Variants in TAF8 observed in about 807,000 individuals in gnomAD.
The protein encoded by TAF8 is transcription initiation factor TFIID subunit 8.
Under a neutral mutation model 36.5 loss-of-function variants are expected in TAF8, and 47 were observed. The ratio of observed to expected loss-of-function variants is 1.29; its 90% CI spans 1.02 to 1.64. The LOEUF is 1.64. Among genes scored for constraint, TAF8 ranks in the 40% most tolerant of loss-of-function variants. The pLI is 0.00. For synonymous variants in TAF8, 175 were observed against 159.5 expected, an observed-to-expected ratio of 1.10 and a Z score of -0.73; for missense variants, 420 against 407.6, an observed-to-expected ratio of 1.03 and a Z score of -0.26.
At chr6:42,069,684 T>C (rs889670995) in intron 7 of TAF8, among the ~76,000 whole-genome samples, 1 of 152,074 alleles carries the variant, frequency 6.6e-6, no homozygotes. Context: ...AAGAATTGGA[T>C]ATATAATTGG....
At position 42,069,608 on chromosome 6, in the gene TAF8, C is replaced by T. The variant is rs76909075; in HGVS notation, c.780+1001C>T. Among the ~76,000 whole-genome samples, 1,170 of 152,172 alleles carry T rather than the reference C, an allele frequency of 7.7e-3. 4 individuals are homozygous for T. The highest frequency in any genetic ancestry group is 9.7e-3 in the Admixed American group (148 of 15,256). ...GTGGGGGAAGTCAGGAGTTGATGTT[C>T]GTGTCTTAAACATAGATGTGTTAAG... On this transcript the variant is annotated intron_variant, in intron 7 of 8. Transcript: ENST00000372977.
intron 5 of TAF8, among the ~76,000 whole-genome samples, chr6:42,066,037 A>G (rs566394530): frequency 6.6e-6 from 1 of 152,186 alleles, no homozygotes; most frequent in East Asian, 1.9e-4. Flanking sequence ...AGTAGCTGGG[A>G]TTACTGGTGC....
intron 4 of TAF8, 102 bp from the exon 5 acceptor site, chr6:42,057,287 G>T (rs747178605): frequency 6.6e-7 from 1 of 1,521,492 alleles, no homozygotes; most frequent in Non-Finnish European, 9.0e-7. Flanking sequence ...AGAAAATTGA[G>T]GTCTGGCATT....
chr6:42,056,469 C>A, intron 4 of TAF8: 1 of 169,104 alleles, frequency 5.9e-6, no homozygotes, highest in Non-Finnish European at 1.3e-5. Flanking sequence ...CATGCAAAAC[C>A]TAAAGTATTT....
intron 6 of TAF8, 22 bp from the exon 7 acceptor site, chr6:42,068,443 T>C (rs954182866): frequency 6.2e-7 from 1 of 1,613,610 alleles, no homozygotes; most frequent in African/African-American, 1.3e-5. Context: ...AGTGGACTCA[T>C]GCCTCTCTTC....
At chr6:42,057,781 A>AG in intron 5 of TAF8, 1 of 408,070 alleles carries the variant, frequency 2.5e-6, no homozygotes, top group East Asian at 3.7e-5. Flanking sequence ...ATAAAGAAAA[A>AG]AAAAAGAATT....
rs140246109 is a variant in TAF8 at position 42,078,619 on chromosome 6, G to T, written c.*1074G>T. On this transcript the variant is annotated 3_prime_UTR_variant, in exon 9 of 9. Coordinates refer to ENST00000372977, the MANE Select transcript of TAF8 (RefSeq NM_138572.3). ...AGAACGACATGTCGGGGCTGCACCTGTCCTCCCGTCGGCATTTGACGAAAG... is the reference window on the plus strand; with the variant it reads ...AGAACGACATGTCGGGGCTGCACCTTTCCTCCCGTCGGCATTTGACGAAAG... 5.1e-6 allele frequency: 5 copies of T among 985,326 alleles called. No homozygotes were observed. In the East Asian group the frequency reaches 5.7e-4, roughly 112 times the overall value. 61.0% of individuals were successfully genotyped at this position (985,326 alleles called of 1,614,324 possible).
chr6:42,064,502 G>T (rs866229088), intron 5 of TAF8, among the ~76,000 whole-genome samples: 1 of 151,846 alleles, frequency 6.6e-6, no homozygotes, highest in Admixed American at 6.6e-5. Flanking sequence ...TAATCTATCC[G>T]CCTCGGCCTC....
chr6:42,074,877 C>G (rs1352313038), intron 7 of TAF8, among the ~76,000 whole-genome samples: 1 of 151,300 alleles, frequency 6.6e-6, no homozygotes, highest in East Asian at 1.9e-4. Flanking sequence ...CTTCCCCACC[C>G]CTAACCATCT....
chr6:42,054,144 T>C (rs1335854572), intron 2 of TAF8, among the ~76,000 whole-genome samples: 2 of 152,194 alleles, frequency 1.3e-5, no homozygotes, highest in African/African-American at 4.8e-5. Flanking sequence ...AGAGTATTCA[T>C]GAAACCTCCT....
rs1765799732 is a variant in TAF8, at chr6:42,077,622, G to A, written c.*77G>A. On this transcript the variant is annotated 3_prime_UTR_variant, in exon 9 of 9. Coordinates refer to ENST00000372977, the MANE Select transcript of TAF8 (RefSeq NM_138572.3). ...GAGTTAAAGCCACTCAAGGGAAGAA[G>A]AGGGTGACCTCCTCATGGCCAAGCC... is the stretch of plus-strand genomic sequence containing the variant. The A allele has an allele frequency of 5.7e-6, 9 of 1,585,844 alleles. No individual in the cohort carries two copies. Among genetic ancestry groups the A allele is most frequent in the Non-Finnish European group, 6.9e-6 (8 of 1,165,704 alleles).
At chr6:42,051,538 T>C (rs1764789491) in intron 2 of TAF8, 25 bp downstream of exon 2, 4 of 1,609,130 alleles carry the variant, frequency 2.5e-6, no homozygotes, top group Non-Finnish European at 3.4e-6. Context: ...ACACTTGGCC[T>C]TGGAGTCAAC....
At chr6:42,073,757 G>A (rs548294269) in intron 7 of TAF8, among the ~76,000 whole-genome samples, 1 of 152,162 alleles carries the variant, frequency 6.6e-6, no homozygotes, top group Non-Finnish European at 1.5e-5. Context: ...GGGAGTTGTG[G>A]GAGGGCGTGG....
chr6:42,072,856 A>G (rs953234580), intron 7 of TAF8, among the ~76,000 whole-genome samples: 91 of 151,844 alleles, frequency 6.0e-4, no homozygotes, highest in Admixed American at 1.2e-3. Context: ...CCCAGCAGCT[A>G]GGACTACAGG....
intron 7 of TAF8, among the ~76,000 whole-genome samples, chr6:42,071,111 G>A (rs1765551389): frequency 6.6e-6 from 1 of 152,040 alleles, no homozygotes; most frequent in South Asian, 2.1e-4. Flanking sequence ...AGGCTAATAG[G>A]GTTATATAGT....
At chr6:42,069,009 A>G (rs1284040519) in intron 7 of TAF8, among the ~76,000 whole-genome samples, 1 of 152,120 alleles carries the variant, frequency 6.6e-6, no homozygotes, top group Non-Finnish European at 1.5e-5. Context: ...CAAGGCATGG[A>G]CATGTCTGGG....
chr6:42,077,467 T>C, intron 8 of TAF8, 66 bp from the exon 9 acceptor site: 1 of 1,599,012 alleles, frequency 6.3e-7, no homozygotes, highest in East Asian at 2.2e-5. Context: ...ACTGGAGCAG[T>C]TTTCCCCTAG....
At position 42,082,045 on chromosome 6, in the gene TAF8, A is replaced by G. The variant is rs561572984; in HGVS notation, c.*4500A>G. 2 of 152,354 alleles carry G rather than the reference A, an allele frequency of 1.3e-5. No homozygotes were observed. Among genetic ancestry groups the G allele is most frequent in the South Asian group, 2.1e-4 (1 of 4,828 alleles). The allele number at this position is 152,354 out of a possible 1,614,324, so 9.4% of individuals were successfully genotyped here. A position where few individuals can be genotyped will look rare whatever the true frequency, so the allele number is the denominator to read the frequency against. The stretch of plus-strand genomic sequence containing the variant: ...CCCTTGCATTCAGTTTCAGTGTACA[A>G]TGTAGATGGTATATTAGTACAATGC... On this transcript the variant is annotated 3_prime_UTR_variant, in exon 9 of 9. Coordinates refer to ENST00000372977, the MANE Select transcript of TAF8 (RefSeq NM_138572.3).
rs1765359339 is a variant in TAF8, at chr6:42,066,342, G to A, written c.520G>A (p.Val174Ile). The stretch of plus-strand genomic sequence containing the variant: ...CCGTGAGCCCGTGTCAGACTACCAG[G>A]TCCTGCGGGAGAAGGCTGCATCCCA... ...TYREPVSDYQ[V>I]LREKAASQRR... is the part of the protein sequence containing the mutation. Residue 174 changes from valine to isoleucine, a missense_variant, in exon 6 of 9, where the codon GTC becomes ATC. Coordinates refer to ENST00000372977, the MANE Select transcript of TAF8 (RefSeq NM_138572.3). 1 of 1,614,024 alleles carries A rather than the reference G, an allele frequency of 6.2e-7. No individual in the cohort carries two copies. Among genetic ancestry groups the A allele is most frequent in the Non-Finnish European group, 8.5e-7 (1 of 1,180,034 alleles).
Sources: gnomAD v4.1 joint callset for allele counts (sites outside exome capture counted in the v4.1 genomes callset) on GRCh38, gnomAD v4.1.1 for gene constraint, MANE v1.5 for transcripts, NCBI Gene and HGNC (gene_info 2026-07-23, HGNC 2026-07-21) for gene names.